The following GRID2 variants were observed in gnomAD, a reference collection of about 807,000 sequenced individuals.
GRID2 encodes glutamate receptor ionotropic, delta-2.
A neutral mutation model predicts 114.8 loss-of-function variants in GRID2; 33 were observed. The ratio of observed to expected loss-of-function variants is 0.29; its 90% CI spans 0.22 to 0.38. The LOEUF is 0.38. GRID2 is among the 10% of genes least tolerant of loss of function. The pLI is 1.00. For missense variants in GRID2, 1,184 were observed against 1,257.7 expected (o/e 0.94, Z 0.89); for synonymous variants, 505 against 449.9 (o/e 1.12, Z -1.55).
chr4:93,544,611 C>T (rs1733011044), intron 13 of GRID2, among the ~76,000 whole-genome samples: 1 of 151,634 alleles, frequency 6.6e-6, no homozygotes, highest in Non-Finnish European at 1.5e-5. Context: ...AACCCCGTCT[C>T]TACTAAAAAT....
chr4:93,568,943 G>T (rs535993531), intron 13 of GRID2, among the ~76,000 whole-genome samples: 70 of 152,172 alleles, frequency 4.6e-4, no homozygotes, highest in Non-Finnish European at 7.8e-4. Flanking sequence ...TCAACCCTGC[G>T]CAAGATTTAC....
chr4:93,377,306 G>T (rs1313821704), intron 8 of GRID2, among the ~76,000 whole-genome samples: 1 of 152,084 alleles, frequency 6.6e-6, no homozygotes, highest in Non-Finnish European at 1.5e-5. Flanking sequence ...CTTTGTAAAT[G>T]TTCACTAAAA....
At chr4:93,138,995 C>A (rs1176924588) in intron 4 of GRID2, among the ~76,000 whole-genome samples, 1 of 152,122 alleles carries the variant, frequency 6.6e-6, no homozygotes, top group African/African-American at 2.4e-5. Context: ...TTTTATAGTT[C>A]TCTGAGAGAT....
chr4:92,761,496 C>T (rs1738009996), intron 2 of GRID2, among the ~76,000 whole-genome samples: 1 of 152,128 alleles, frequency 6.6e-6, no homozygotes, highest in East Asian at 1.9e-4. Flanking sequence ...TGTGGTTTAG[C>T]CCATGGCCTC....
At chr4:93,117,502 C>T (rs1733384348) in intron 4 of GRID2, among the ~76,000 whole-genome samples, 1 of 152,114 alleles carries the variant, frequency 6.6e-6, no homozygotes, top group Non-Finnish European at 1.5e-5. Flanking sequence ...AATCAATACT[C>T]AGTGCACTTT....
At chr4:92,373,992 G>A (rs1729236965) in intron 1 of GRID2, among the ~76,000 whole-genome samples, 1 of 152,016 alleles carries the variant, frequency 6.6e-6, no homozygotes, top group African/African-American at 2.4e-5. Flanking sequence ...TGATACATAT[G>A]TGTTGAATGC....
chr4:92,988,419 A>G (rs1754641990), intron 2 of GRID2, among the ~76,000 whole-genome samples: 1 of 152,220 alleles, frequency 6.6e-6, no homozygotes, highest in African/African-American at 2.4e-5. Context: ...CAAGTCAGAC[A>G]GCAAGAAAAA....
chr4:92,850,278 C>T (rs1430319023), intron 2 of GRID2, among the ~76,000 whole-genome samples: 3 of 151,444 alleles, frequency 2.0e-5, no homozygotes, highest in Non-Finnish European at 4.4e-5. Context: ...TTTCATAATT[C>T]ATATTGTATG....
intron 1 of GRID2, among the ~76,000 whole-genome samples, chr4:92,535,480 T>C (rs1725572945): frequency 6.6e-6 from 1 of 152,162 alleles, no homozygotes; most frequent in African/African-American, 2.4e-5. Flanking sequence ...ATTTGGAATA[T>C]ATAAACTTCC....
chr4:92,592,349 AAAAAT>A (rs1728746003), intron 2 of GRID2, among the ~76,000 whole-genome samples: 1 of 152,136 alleles, frequency 6.6e-6, no homozygotes, highest in Non-Finnish European at 1.5e-5. Context: ...TAGTAAGAAA[AAAAAT>A]GAAATGAAGA....
chr4:93,432,556 G>T (rs1466542062), intron 10 of GRID2, among the ~76,000 whole-genome samples: 3 of 152,066 alleles, frequency 2.0e-5, no homozygotes, highest in African/African-American at 7.2e-5. Flanking sequence ...GAGTGTTAGA[G>T]AAAACAAAAG....
chr4:93,093,823 G>T (rs1730979740), intron 3 of GRID2, among the ~76,000 whole-genome samples: 1 of 151,952 alleles, frequency 6.6e-6, no homozygotes, highest in Non-Finnish European at 1.5e-5. Flanking sequence ...TTTTAAGGCA[G>T]CTAATGCCAG....
intron 14 of GRID2, among the ~76,000 whole-genome samples, chr4:93,739,673 G>C (rs1291009427): frequency 1.3e-5 from 2 of 152,106 alleles, no homozygotes; most frequent in Non-Finnish European, 2.9e-5. Context: ...ACCCCACCCG[G>C]CTAAGGTGAG....
intron 2 of GRID2, among the ~76,000 whole-genome samples, chr4:93,021,770 T>A (rs1378675395): frequency 6.8e-6 from 1 of 146,084 alleles, no homozygotes; most frequent in Non-Finnish European, 1.5e-5. Context: ...AATATTATAA[T>A]ATTTACAATA....
At chr4:93,498,726 G>A (rs1335851374) in intron 12 of GRID2, among the ~76,000 whole-genome samples, 1 of 151,674 alleles carries the variant, frequency 6.6e-6, no homozygotes, top group Non-Finnish European at 1.5e-5. Context: ...ACAAAGTCAG[G>A]TGGTTGTATC....
intron 1 of GRID2, among the ~76,000 whole-genome samples, chr4:92,335,137 G>T (rs754786262): frequency 2.6e-5 from 4 of 152,308 alleles, no homozygotes; most frequent in Non-Finnish European, 5.9e-5. Flanking sequence ...TTGTTTGAAA[G>T]AACTGTGGTC....
At chr4:92,710,022 A>C (rs1350269063) in intron 2 of GRID2, among the ~76,000 whole-genome samples, 1 of 152,166 alleles carries the variant, frequency 6.6e-6, no homozygotes, top group African/African-American at 2.4e-5. Context: ...AATTAATTTT[A>C]ATTTAAATTG....
At chr4:92,791,418 C>A (rs1243491748) in intron 2 of GRID2, among the ~76,000 whole-genome samples, 1 of 151,752 alleles carries the variant, frequency 6.6e-6, no homozygotes, top group Admixed American at 6.6e-5. Context: ...AGTACACAAT[C>A]TGCACATAAA....
chr4:93,513,498 A>G (rs1453922410), intron 12 of GRID2, among the ~76,000 whole-genome samples: 2 of 152,112 alleles, frequency 1.3e-5, no homozygotes, highest in Non-Finnish European at 2.9e-5. Flanking sequence ...CTACATACTC[A>G]TTTTACTCTT....
Sources: gnomAD v4.1 joint callset for allele counts (sites outside exome capture counted in the v4.1 genomes callset) on GRCh38, gnomAD v4.1.1 for gene constraint, MANE v1.5 for transcripts, NCBI Gene and HGNC (gene_info 2026-07-23, HGNC 2026-07-21) for gene names.